The following LATS2 variants were observed in gnomAD, a reference collection of about 807,000 sequenced individuals.
LATS2 encodes the protein large tumor suppressor kinase 2.
LATS2 carries 24 observed loss-of-function variants against 76.0 expected under a neutral mutation model. The observed-to-expected ratio is 0.32, with a 90% confidence interval of 0.23 to 0.44. LATS2 has a LOEUF of 0.44. Among genes scored for constraint, LATS2 ranks in the 20% least tolerant of loss-of-function variants. The pLI is 1.00. For missense variants in LATS2, 1,286 were observed against 1,481.2 expected (o/e 0.87, Z 2.16); for synonymous variants, 692 against 635.4 (o/e 1.09, Z -1.34).
chr13:21,060,917 G>A (rs1484539108), intron 1 of LATS2, among the ~76,000 whole-genome samples: 14 of 151,460 alleles, frequency 9.2e-5, no homozygotes, highest in African/African-American at 2.9e-4. Context: ...CGATCCCCCG[G>A]AGACAGCGGA....
At position 20,988,731 on chromosome 13, in the gene LATS2, GGAGT is replaced by G; in HGVS notation, c.1045_1048del (p.Thr349ProfsTer83). ...GTCCACGTTGAGGCTGTTCCGCGAG[GGAGT>G]GAGCAGGCTCTGCGGGGGGCTGTCG... On this transcript the variant is annotated frameshift_variant, in exon 4 of 8. Transcript: ENST00000382592. LOFTEE classifies it high-confidence loss of function. The G allele has an allele frequency of 6.4e-7, 1 of 1,569,118 alleles. No homozygotes were observed. The highest frequency in any genetic ancestry group is 8.6e-7 in the Non-Finnish European group (1 of 1,164,542).
chr13:20,975,374 C>A lies in LATS2; in HGVS notation c.2773-10G>T. ...TCTCCCAGTTGATCACCTGAGGAAA[C>A]AACAGAGCCAACAGGTTAGTTTCTC... On this transcript the variant is annotated splice_polypyrimidine_tract_variant and intron_variant, in intron 7 of 7. Coordinates refer to ENST00000382592, the MANE Select transcript of LATS2 (RefSeq NM_014572.3). 6.5e-7 allele frequency: 1 copy of A among 1,533,474 alleles called. No individual in the cohort carries two copies. Among genetic ancestry groups the A allele is most frequent in the Non-Finnish European group, 8.8e-7 (1 of 1,141,994 alleles). 95.0% of individuals were successfully genotyped at this position (1,533,474 alleles called of 1,614,324 possible).
chr13:21,046,148 A>C lies in LATS2; in HGVS notation c.-122T>G. On this transcript the variant is annotated 5_prime_UTR_variant, in exon 2 of 8. Transcript: ENST00000382592. ...ATACTTTCAAAATAATTTCCTTTTG[A>C]AAATGTTCTTTCCTTCCATTTTTGT... The C allele has an allele frequency of 1.3e-6, 1 of 773,648 alleles. No individual in the cohort carries two copies. Among genetic ancestry groups the C allele is most frequent in the African/African-American group, 1.7e-5 (1 of 57,254 alleles). The allele number at this position is 773,648 out of a possible 1,614,324, so 47.9% of individuals were successfully genotyped here. A position where few individuals can be genotyped will look rare whatever the true frequency, so the allele number is the denominator to read the frequency against.
chr13:20,982,325 A>T (rs1869927178), intron 5 of LATS2, among the ~76,000 whole-genome samples: 1 of 152,090 alleles, frequency 6.6e-6, no homozygotes, highest in East Asian at 1.9e-4. Context: ...ATTTTATTTT[A>T]TTTGAGACAG....
rs772703569 is a variant in LATS2 at position 20,983,674 on chromosome 13, C to A, written c.2032G>T (p.Ala678Ser). Reference protein sequence around the residue: ...FVKIKTLGIGAFGEVCLACKV... With the variant: ...FVKIKTLGIGSFGEVCLACKV... ...CAAGCAAGGCACACTTCTCCAAAGG[C>A]ACCGATCCCCAGGGTTTTGATCTTG... Residue 678 changes from alanine (A) to serine (S), a missense_variant, in exon 5 of 8, where the codon GCC (alanine) becomes TCC (serine). Physicochemically the swap from Ala to Ser is moderately conservative, Grantham distance 99. This residue lies in a region of LATS2 where 247 missense variants were observed against 385.4 expected (regional missense o/e 0.64). Coordinates refer to ENST00000382592, the MANE Select transcript of LATS2 (RefSeq NM_014572.3). 6 of 1,614,160 alleles carry A rather than the reference C, an allele frequency of 3.7e-6. No homozygotes were observed. Among genetic ancestry groups the A allele is most frequent in the Non-Finnish European group, 5.1e-6 (6 of 1,180,032 alleles).
intron 1 of LATS2, among the ~76,000 whole-genome samples, chr13:21,047,078 G>A (rs187951960): frequency 3.3e-5 from 5 of 152,180 alleles, no homozygotes; most frequent in East Asian, 3.9e-4. Flanking sequence ...TACATGGAAC[G>A]CGATGTCACA....
rs1412924612 is a variant in LATS2 at position 20,974,150 on chromosome 13, G to GT, written c.*719dup. ...TCATTTAAAGACACTCAGTAAAAACGTATTCACAGGACCTGCTGTGAATGG... is the reference window on the plus strand; with the variant it reads ...TCATTTAAAGACACTCAGTAAAAACGTTATTCACAGGACCTGCTGTGAATGG... On this transcript the variant is annotated 3_prime_UTR_variant, in exon 8 of 8. Coordinates refer to ENST00000382592, the MANE Select transcript of LATS2 (RefSeq NM_014572.3). 1 of 227,220 alleles carries GT rather than the reference G, an allele frequency of 4.4e-6. No homozygotes were observed. The highest frequency in any genetic ancestry group is 8.7e-6 in the Non-Finnish European group (1 of 114,352). The allele number at this position is 227,220 out of a possible 1,614,324, so 14.1% of individuals were successfully genotyped here.
In LATS2 at chr13:21,058,786, CTATTAT is replaced by C. The variant is rs557964787; in HGVS notation, c.-205+2554_-205+2559del. Among the ~76,000 whole-genome samples the C allele has an allele frequency of 2.0e-3, 312 of 152,296 alleles. 1 individual carries two copies. The highest frequency in any genetic ancestry group is 3.8e-3 in the Admixed American group (58 of 15,300). On this transcript the variant is annotated intron_variant, in intron 1 of 7. Transcript: ENST00000382592. ...AAGGAATGCTGGTATATTCATTACA[CTATTAT>C]TATATTCAGTGCCTTCTATACCTGC...
At chr13:20,990,194 G>T (rs1170171087) in intron 3 of LATS2, among the ~76,000 whole-genome samples, 1 of 152,156 alleles carries the variant, frequency 6.6e-6, no homozygotes, top group African/African-American at 2.4e-5. Context: ...CACACCAAAG[G>T]CAAGTGCAGA....
In LATS2 at chr13:21,045,750, T is replaced by C. The variant is rs1873049914; in HGVS notation, c.277A>G (p.Thr93Ala). The change falls in exon 2 of 8, where the codon ACC becomes GCC. Residue 93 changes from threonine (T) to alanine (A), a missense_variant. Thr to Ala is a moderately conservative substitution (Grantham distance 58, BLOSUM62 0). Around this residue, in one of 5 missense-constraint regions of LATS2, gnomAD observed 101 missense variants for 141.4 expected, o/e 0.71. Coordinates refer to ENST00000382592, the MANE Select transcript of LATS2 (RefSeq NM_014572.3). ...CGGTTCACTTCTGCAGCTGCAGAGG[T>C]GCCCGATTCATTAGCAAAAGGCAAC... Reference protein sequence around the residue: ...SLLPFANESGTSAAAEVNRQM... With the variant: ...SLLPFANESGASAAAEVNRQM... The C allele has an allele frequency of 6.2e-7, 1 of 1,614,194 alleles. No homozygotes were observed. Among genetic ancestry groups the C allele is most frequent in the Non-Finnish European group, 8.5e-7 (1 of 1,180,038 alleles).
At position 20,981,401 on chromosome 13, in the gene LATS2, G is replaced by A. The variant is rs146933786; in HGVS notation, c.2665+65C>T. The stretch of plus-strand genomic sequence containing the variant: ...AGGTCCTTGGAAAGCTAGAGCCAGC[G>A]AGACTCAGCTCACGTCTGAAGGGAA... On this transcript the variant is annotated intron_variant, in intron 6 of 7. Transcript: ENST00000382592. 112 of 1,451,086 alleles carry A rather than the reference G, an allele frequency of 7.7e-5. No homozygotes were observed. In the East Asian group the frequency reaches 1.7e-3, roughly 22 times the overall value. The allele number at this position is 1,451,086 out of a possible 1,614,324, so 89.9% of individuals were successfully genotyped here. A position where few individuals can be genotyped will look rare whatever the true frequency, so the allele number is the denominator to read the frequency against.
At position 20,991,170 on chromosome 13, in the gene LATS2, G is replaced by T; in HGVS notation, c.475+102C>A. Reference sequence around the variant, plus strand: ...GAATGAGGCAATGTGCCAGGAGACTGGCTCTGGCCAGGCCAGGCCAGGTTG... The same window carrying T: ...GAATGAGGCAATGTGCCAGGAGACTTGCTCTGGCCAGGCCAGGCCAGGTTG... On this transcript the variant is annotated intron_variant, in intron 3 of 7. Transcript: ENST00000382592. This position sits in a 1 kb window ranked among gnomAD's most constrained non-coding sequence, Gnocchi z 4.9. 1.4e-6 allele frequency: 2 copies of T among 1,387,102 alleles called. No homozygotes were observed. Among genetic ancestry groups the T allele is most frequent in the South Asian group, 1.3e-5 (1 of 76,900 alleles). The allele number at this position is 1,387,102 out of a possible 1,614,324, so 85.9% of individuals were successfully genotyped here.
chr13:21,014,540 A>T (rs1676621340), intron 2 of LATS2, among the ~76,000 whole-genome samples: 1 of 152,202 alleles, frequency 6.6e-6, no homozygotes, highest in South Asian at 2.1e-4. Context: ...AAAACTACAC[A>T]CCAGGAAGGT....
At chr13:20,983,105 A>T in intron 5 of LATS2, 119 bp downstream of exon 5, 1 of 639,572 alleles carries the variant, frequency 1.6e-6, no homozygotes, top group Non-Finnish European at 2.7e-6. Flanking sequence ...AAAATAATGG[A>T]GTGACAGATA....
chr13:20,999,265 C>A (rs531275274), intron 2 of LATS2, among the ~76,000 whole-genome samples: 1 of 152,234 alleles, frequency 6.6e-6, no homozygotes, highest in Non-Finnish European at 1.5e-5. Context: ...CCGCTGGTGG[C>A]GCCGCAGGCC....
At chr13:21,005,087 AC>A (rs1871214338) in intron 2 of LATS2, 1 of 152,292 alleles carries the variant, frequency 6.6e-6, no homozygotes, top group East Asian at 1.9e-4. Context: ...AAATCTGGGA[AC>A]CATTAGTCAA....
intron 6 of LATS2, among the ~76,000 whole-genome samples, chr13:20,981,015 G>C (rs902842261): frequency 1.2e-4 from 18 of 152,196 alleles, no homozygotes; most frequent in African/African-American, 4.1e-4. Flanking sequence ...CTAGCAGGGA[G>C]AATGAGAGAA....
At chr13:20,979,053 C>T (rs573279477) in intron 7 of LATS2, among the ~76,000 whole-genome samples, 13 of 152,250 alleles carry the variant, frequency 8.5e-5, no homozygotes, top group African/African-American at 2.4e-4. Flanking sequence ...TGAGCCACTG[C>T]GCCCAGCCTA....
chr13:21,057,974 CTAGCA>C (rs2138421235), intron 1 of LATS2, among the ~76,000 whole-genome samples: 1 of 152,298 alleles, frequency 6.6e-6, no homozygotes, highest in Non-Finnish European at 1.5e-5. Context: ...CAGCAGTGAC[CTAGCA>C]TACAATGGGA....
Sources: allele counts gnomAD v4.1 joint callset (sites outside exome capture counted in the v4.1 genomes callset), GRCh38; gene constraint gnomAD v4.1.1; regional missense constraint gnomAD v4.1.1; non-coding constraint Gnocchi (gnomAD v3.1); transcripts MANE v1.5; gene names NCBI Gene and HGNC (gene_info 2026-07-23, HGNC 2026-07-21).